DAB1: variants seen among roughly 807,000 people sequenced by gnomAD.
DAB1 encodes the protein disabled homolog 1.
Under a neutral mutation model 64.6 loss-of-function variants are expected in DAB1, and 15 were observed. The observed-to-expected ratio is 0.23, with a 90% CI of 0.16 to 0.36. The LOEUF is 0.36. Ranked by LOEUF, DAB1 falls within the 10% of genes least tolerant of loss-of-function variation. The probability of loss-of-function intolerance (pLI) is 1.00; values close to 1 mark genes in which losing one functional copy is unlikely to be tolerated. For synonymous variants in DAB1, 235 were observed against 251.9 expected, an observed-to-expected ratio of 0.93 and a Z score of 0.64; for missense variants, 596 against 706.7, an observed-to-expected ratio of 0.84 and a Z score of 1.78.
chr1:57,673,161 ATCT>A (rs917041234), intron 6 of DAB1, among the ~76,000 whole-genome samples: 13 of 152,114 alleles, frequency 8.5e-5, no homozygotes, highest in African/African-American at 2.7e-4. Flanking sequence ...ATAGATGGCC[ATCT>A]TCTTCTCGCT....
intron 6 of DAB1, among the ~76,000 whole-genome samples, chr1:57,787,786 G>A (rs770331888): frequency 7.9e-5 from 12 of 151,936 alleles, no homozygotes; most frequent in East Asian, 1.9e-4. Context: ...TAAAGGACTC[G>A]TAAGAAGAAT....
chr1:57,787,496 C>T (rs1441813076), intron 6 of DAB1, among the ~76,000 whole-genome samples: 40 of 151,680 alleles, frequency 2.6e-4, no homozygotes, highest in Non-Finnish European at 1.2e-4. Context: ...CAAACTCACA[C>T]AATATACAAA....
At chr1:57,277,765 G>T (rs773240227) in intron 2 of DAB1, among the ~76,000 whole-genome samples, 1 of 152,198 alleles carries the variant, frequency 6.6e-6, no homozygotes, top group African/African-American at 2.4e-5. Context: ...TCTCCTTCCC[G>T]TGCACATTTG....
intron 6 of DAB1, among the ~76,000 whole-genome samples, chr1:57,701,157 G>T (rs1386174970): frequency 6.6e-6 from 1 of 151,904 alleles, no homozygotes; most frequent in African/African-American, 2.4e-5. Flanking sequence ...GACTCCTCAG[G>T]GATCTAGAAC....
At chr1:57,428,050 C>T (rs929656641), upstream of DAB1, among the ~76,000 whole-genome samples, 1 of 152,080 alleles carries the variant, frequency 6.6e-6, no homozygotes, top group Non-Finnish European at 1.5e-5. Flanking sequence ...TGCCTGTAAT[C>T]CCAGCTACTC....
Position 57,690,803 on chromosome 1 carries a change from A to T in DAB1, n.552-41138T>A, listed in dbSNP as rs182203631. The stretch of plus-strand genomic sequence containing the variant: ...TCCTTTTCAGCACATCCTCACCAGC[A>T]TTTGTTATTGCCTGCATTTTGGATA... On this transcript the variant is annotated intron_variant and non_coding_transcript_variant, in intron 6 of 20. Coordinates refer to the DAB1 transcript ENST00000485760. Among the ~76,000 whole-genome samples the T allele has an allele frequency of 9.2e-5, 14 of 152,260 alleles. No homozygotes were observed. The East Asian group carries it at 2.7e-3, about 29-fold the overall frequency.
intron 3 of DAB1, among the ~76,000 whole-genome samples, chr1:58,487,313 T>C (rs1301764098): frequency 6.6e-6 from 1 of 152,262 alleles, no homozygotes; most frequent in East Asian, 1.9e-4. Context: ...TTTTAATAGC[T>C]TTTCTTTTAT....
intron 2 of DAB1, among the ~76,000 whole-genome samples, chr1:57,190,316 C>A (rs1384621460): frequency 1.3e-5 from 2 of 152,126 alleles, no homozygotes; most frequent in South Asian, 4.1e-4. Context: ...CAGCTGTAAC[C>A]AACATATGCC....
At chr1:57,558,122 G>C (rs1478093211) in intron 7 of DAB1, among the ~76,000 whole-genome samples, 4 of 152,196 alleles carry the variant, frequency 2.6e-5, no homozygotes, top group Non-Finnish European at 5.9e-5. Flanking sequence ...GGATGTGTGG[G>C]AGGACCCTGA....
intron 5 of DAB1, among the ~76,000 whole-genome samples, chr1:57,906,969 T>G (rs1644561688): frequency 6.6e-6 from 1 of 151,990 alleles, no homozygotes; most frequent in Admixed American, 6.6e-5. Flanking sequence ...GATAGATAGA[T>G]AGATAGATAG....
intron 3 of DAB1, among the ~76,000 whole-genome samples, chr1:58,445,456 C>T (rs563727904): frequency 6.6e-6 from 1 of 152,200 alleles, no homozygotes. Context: ...CTGTCCCCAC[C>T]CTGCCTAGCA....
chr1:57,799,146 T>C (rs1651008132), intron 6 of DAB1, among the ~76,000 whole-genome samples: 1 of 152,194 alleles, frequency 6.6e-6, no homozygotes. Flanking sequence ...TACATTTTTA[T>C]CAAATCTCTG....
chr1:58,527,382 GA>G, intron 1 of DAB1: 2 of 835,144 alleles, frequency 2.4e-6, no homozygotes, highest in South Asian at 1.3e-5. Flanking sequence ...TTTATTTCAC[GA>G]AAAAAGGAGT....
At chr1:57,159,357 G>A (rs1490610382) in intron 2 of DAB1, among the ~76,000 whole-genome samples, 1 of 152,102 alleles carries the variant, frequency 6.6e-6, no homozygotes, top group Non-Finnish European at 1.5e-5. Flanking sequence ...GTTTCTCTGA[G>A]GAAAAGACTA....
At chr1:57,569,131 G>T (rs1426395769) in intron 7 of DAB1, among the ~76,000 whole-genome samples, 1 of 149,580 alleles carries the variant, frequency 6.7e-6, no homozygotes, top group Non-Finnish European at 1.5e-5. Flanking sequence ...GATGGCGGGC[G>T]CCTGTAGTCC....
At chr1:58,112,035 C>T (rs1285602412) in intron 5 of DAB1, among the ~76,000 whole-genome samples, 1 of 152,174 alleles carries the variant, frequency 6.6e-6, no homozygotes, top group African/African-American at 2.4e-5. Context: ...CCCTTTCTCC[C>T]TATCCCCCAG....
At chr1:58,109,590 T>A (rs1651858167) in intron 5 of DAB1, among the ~76,000 whole-genome samples, 1 of 152,002 alleles carries the variant, frequency 6.6e-6, no homozygotes, top group African/African-American at 2.4e-5. Flanking sequence ...CTCTTTGTAT[T>A]TTTAGTAGCC....
At position 58,116,053 on chromosome 1, in the gene DAB1, T is replaced by C. The variant is rs987758397; in HGVS notation, n.387+34458A>G. On this transcript the variant is annotated intron_variant and non_coding_transcript_variant, in intron 5 of 20. Transcript: ENST00000485760. ...AAAAATAAAAATAAAAAAAAATAAA[T>C]AAATTACTCAGTTTGTCAACCTGCC... is the stretch of plus-strand genomic sequence containing the variant. 1.9e-4 allele frequency among the ~76,000 whole-genome samples: 29 copies of C among 151,190 alleles called. 1 individual carries two copies.
intron 1 of DAB1, among the ~76,000 whole-genome samples, chr1:57,398,489 A>ATTTG (rs1183273401): frequency 2.0e-5 from 3 of 152,106 alleles, no homozygotes; most frequent in African/African-American, 7.2e-5. Context: ...ATTGTTTTTT[A>ATTTG]TTTGTTTGTT....
Sources: allele counts gnomAD v4.1 joint callset (sites outside exome capture counted in the v4.1 genomes callset), GRCh38; gene constraint gnomAD v4.1.1; transcripts MANE v1.5; gene names NCBI Gene and HGNC (gene_info 2026-07-23, HGNC 2026-07-21).